Variants in ZNF446 observed in about 807,000 individuals in gnomAD.
ZNF446 encodes the protein zinc finger protein with KRAB and SCAN domains 20.
ZNF446 carries 42 observed loss-of-function variants against 34.0 expected under a neutral mutation model. That is an observed-to-expected ratio of 1.23 (90% CI 0.96 to 1.60). The LOEUF is 1.60. Among genes scored for constraint, ZNF446 ranks in the 40% most tolerant of loss-of-function variants. The pLI is 0.00. For synonymous variants in ZNF446, 315 were observed against 251.0 expected, an observed-to-expected ratio of 1.25 and a Z score of -2.41; for missense variants, 650 against 600.2, an observed-to-expected ratio of 1.08 and a Z score of -0.87.
the ZNF446 span, among the ~76,000 whole-genome samples, chr19:58,487,642 C>G: frequency 6.6e-6 from 1 of 151,396 alleles, no homozygotes. Context: ...AACCCCGTCT[C>G]TACTAAAAAT....
downstream of ZNF446, among the ~76,000 whole-genome samples, chr19:58,485,851 AT>A (rs1444302234): frequency 6.6e-6 from 1 of 152,128 alleles, no homozygotes; most frequent in African/African-American, 2.4e-5. Context: ...AATTGCTGGG[AT>A]TACAGGCTGA....
chr19:58,480,069 G>T lies in ZNF446; in HGVS notation c.802+50G>T, dbSNP rs937718991. On this transcript the variant is annotated intron_variant, in intron 6 of 6. Transcript: ENST00000594369. The surrounding 1 kb of genome is among the most constrained non-coding windows in gnomAD (Gnocchi z 7.2). ...TGAATCACCCCTCCTGTATCGGTGG[G>T]ACCTGAGCCACCCACTCATGGGGGG... The T allele has an allele frequency of 2.6e-6, 4 of 1,558,748 alleles. No individual in the cohort carries two copies. In the African/African-American group the frequency reaches 4.1e-5, roughly 16 times the overall value.
chr19:58,477,877 C>T, intron 3 of ZNF446, 51 bp downstream of exon 3: 4 of 1,469,390 alleles, frequency 2.7e-6, no homozygotes, highest in Non-Finnish European at 3.6e-6. Context: ...GAAGTGTGGA[C>T]ATTCCTGGCT....
chr19:58,487,827 A>C, the ZNF446 span, among the ~76,000 whole-genome samples: 332 of 152,344 alleles, frequency 2.2e-3, 2 homozygotes, highest in African/African-American at 7.5e-3. Flanking sequence ...AATTAACTAC[A>C]AATAAATATG....
downstream of ZNF446, chr19:58,483,613 G>A (rs751305221): frequency 6.6e-6 from 1 of 152,022 alleles, no homozygotes; most frequent in Non-Finnish European, 1.5e-5. Flanking sequence ...TAACACCATT[G>A]CACTCCAGCC....
At chr19:58,488,340 T>C in the ZNF446 span, among the ~76,000 whole-genome samples, 6 of 139,240 alleles carry the variant, frequency 4.3e-5, no homozygotes, top group Admixed American at 7.3e-5. Context: ...CCTGCCTTGC[T>C]CGTGGCCACA....
chr19:58,488,552 T>TA, the ZNF446 span, among the ~76,000 whole-genome samples: 3,466 of 100,262 alleles, frequency 0.035, 82 homozygotes, highest in African/African-American at 0.054. Flanking sequence ...ATGACTATGA[T>TA]AAAAAAAAAA....
chr19:58,477,433 A>G lies in ZNF446; in HGVS notation c.215A>G (p.Glu72Gly), dbSNP rs759040878. 1.1e-5 allele frequency: 17 copies of G among 1,613,410 alleles called. No homozygotes were observed. The South Asian group carries it at 1.9e-4, about 18-fold the overall frequency. The change falls in exon 2 of 7, where the codon GAG becomes GGG. Residue 72 changes from glutamate to glycine, a missense_variant. Transcript: ENST00000594369. ...KEQMLEMLVLEQFLGTLPPEI... is the reference protein window; with the variant it reads ...KEQMLEMLVLGQFLGTLPPEI... ...CAGATGCTGGAGATGCTGGTGCTGG[A>G]GCAGTTCCTGGGCACACTGCCTCCC...
rs2053136205 is a variant in ZNF446 at position 58,481,012 on chromosome 19, C to A, written c.*286C>A. 1 of 461,182 alleles carries A rather than the reference C, an allele frequency of 2.2e-6. No homozygotes were observed. The highest frequency in any genetic ancestry group is 3.5e-5 in the Admixed American group (1 of 28,664). 28.6% of individuals were successfully genotyped at this position (461,182 alleles called of 1,614,324 possible). ...CTGCCAAGCACCAGGCTCCCTCCCT[C>A]CCTGTGACATGGCCTGGGCTGACAA... On this transcript the variant is annotated 3_prime_UTR_variant, in exon 7 of 7. Transcript: ENST00000594369.
At position 58,477,604 on chromosome 19, in the gene ZNF446, C is replaced by T. The variant is rs368671986; in HGVS notation, c.343-33C>T. On this transcript the variant is annotated intron_variant, in intron 2 of 6. Transcript: ENST00000594369. ...AGCTTCTTGGAGGGATAGACCCTGGCTAGAGCCATTGTGACCTACCTCTTC... is the reference window on the plus strand; with the variant it reads ...AGCTTCTTGGAGGGATAGACCCTGGTTAGAGCCATTGTGACCTACCTCTTC... 9.3e-6 allele frequency: 15 copies of T among 1,613,186 alleles called. No homozygotes were observed. In the African/African-American group the frequency reaches 1.6e-4, roughly 17 times the overall value.
At chr19:58,485,914 CTTTGT>C (rs1339392246), downstream of ZNF446, among the ~76,000 whole-genome samples, 2 of 151,560 alleles carry the variant, frequency 1.3e-5, no homozygotes, top group Non-Finnish European at 2.9e-5. Flanking sequence ...AAATGTAAAA[CTTTGT>C]TTTGTTTTTG....
chr19:58,480,435 C>A lies in ZNF446; in HGVS notation c.1062C>A (p.His354Gln). The A allele has an allele frequency of 1.9e-6, 3 of 1,613,142 alleles. No homozygotes were observed. Among genetic ancestry groups the A allele is most frequent in the South Asian group, 2.2e-5 (2 of 91,074 alleles). ...KSVFVIHHRT[H>Q]TSGPGVQSPG... ...TGTTCGTCATCCACCACCGGACACA[C>A]ACGAGTGGGCCAGGTGTGCAGTCCC... The change falls in exon 7 of 7, where the codon CAC becomes CAA. Residue 354 changes from histidine to glutamine, a missense_variant. His to Gln is a conservative substitution (Grantham distance 24, BLOSUM62 0). Coordinates refer to ENST00000594369, the MANE Select transcript of ZNF446 (RefSeq NM_017908.4). This position sits in a 1 kb window ranked among gnomAD's most constrained non-coding sequence, Gnocchi z 7.2.
At chr19:58,479,804 G>C in intron 5 of ZNF446, 77 bp downstream of exon 5, 2 of 1,520,216 alleles carry the variant, frequency 1.3e-6, no homozygotes. Flanking sequence ...GCTGGGCAGG[G>C]CCTCTGTGCT....
the ZNF446 span, among the ~76,000 whole-genome samples, chr19:58,487,052 A>G: frequency 6.6e-6 from 1 of 151,978 alleles, no homozygotes; most frequent in Admixed American, 6.6e-5. Flanking sequence ...CGGCCTCCCA[A>G]AGTGCTGGGA....
At chr19:58,479,545 G>C (rs532954446) in intron 4 of ZNF446, 98 bp from the exon 5 acceptor site, 1 of 1,327,100 alleles carries the variant, frequency 7.5e-7, no homozygotes, top group Non-Finnish European at 1.0e-6. Flanking sequence ...TGAGGCGTAG[G>C]TAACCTGCTG....
chr19:58,478,231 G>A (rs1203642260), intron 4 of ZNF446, 50 bp downstream of exon 4: 3 of 1,561,126 alleles, frequency 1.9e-6, no homozygotes, highest in South Asian at 1.2e-5. Flanking sequence ...AGAAGGGACT[G>A]TCCCCATGGC....
the ZNF446 span, among the ~76,000 whole-genome samples, chr19:58,488,305 A>C: frequency 2.1e-5 from 3 of 143,618 alleles, no homozygotes; most frequent in Non-Finnish European, 4.6e-5. Flanking sequence ...CACCCTGTTC[A>C]TGGCACTGTG....
downstream of ZNF446, chr19:58,483,628 C>T (rs983016092): frequency 6.6e-6 from 1 of 151,660 alleles, no homozygotes; most frequent in Non-Finnish European, 1.5e-5. Flanking sequence ...CCAGCCTGGG[C>T]AACAGGATGA....
intron 4 of ZNF446, among the ~76,000 whole-genome samples, chr19:58,479,180 C>T (rs751035922): frequency 3.9e-5 from 6 of 152,122 alleles, no homozygotes; most frequent in Admixed American, 6.5e-5. Flanking sequence ...GGGTAGGCTG[C>T]ACTTCCCAGT....
Sources: gnomAD v4.1 joint callset for allele counts (sites outside exome capture counted in the v4.1 genomes callset) on GRCh38, gnomAD v4.1.1 for gene constraint, Gnocchi (gnomAD v3.1) non-coding constraint, MANE v1.5 for transcripts, NCBI Gene and HGNC (gene_info 2026-07-23, HGNC 2026-07-21) for gene names.